The following LARP1 variants were observed in gnomAD, a reference collection of about 807,000 sequenced individuals.
The protein encoded by LARP1 is la-related protein 1.
In LARP1, 36 loss-of-function variants were observed where a neutral mutation model predicts 122.7. The ratio of observed to expected loss-of-function variants is 0.29; its 90% confidence interval spans 0.22 to 0.39. The LOEUF (loss-of-function observed/expected upper bound fraction) is 0.39, where lower values mean the gene tolerates loss of function less well. Ranked by LOEUF, LARP1 falls within the 10% of genes least tolerant of loss-of-function variation. LARP1 has a pLI of 1.00. For synonymous variants in LARP1, 539 were observed against 528.7 expected, an observed-to-expected ratio of 1.02 and a Z score of -0.27; for missense variants, 1,040 against 1,403.6, an observed-to-expected ratio of 0.74 and a Z score of 4.14.
intron 1 of LARP1, among the ~76,000 whole-genome samples, chr5:154,691,156 G>T (rs1754182417): frequency 6.6e-6 from 1 of 151,874 alleles, no homozygotes; most frequent in Non-Finnish European, 1.5e-5. Flanking sequence ...CAGCTACTCG[G>T]GAGGCTGAGG....
upstream of LARP1, among the ~76,000 whole-genome samples, chr5:154,754,643 C>G (rs1753684405): frequency 6.6e-6 from 1 of 152,256 alleles, no homozygotes; most frequent in Admixed American, 6.5e-5. Context: ...ACTTCCTAGG[C>G]GCCGGCTGCC....
chr5:154,803,237 T>G lies in LARP1; in HGVS notation c.2110-53T>G. ...GCCAGTCTTGATTCCTTAAACAGGC[T>G]AGAGCAGCCTGCTTACTTACATCTT... On this transcript the variant is annotated intron_variant, in intron 11 of 18. Coordinates refer to ENST00000518297, the MANE Select transcript of LARP1 (RefSeq NM_033551.3). This position sits in a 1 kb window ranked among gnomAD's most constrained non-coding sequence, Gnocchi z 4.4. The G allele has an allele frequency of 6.2e-7, 1 of 1,613,292 alleles. No individual in the cohort carries two copies. The highest frequency in any genetic ancestry group is 2.2e-5 in the East Asian group (1 of 44,874).
At position 154,803,157 on chromosome 5, in the gene LARP1, C is replaced by T. The variant is rs1441990939; in HGVS notation, c.2110-133C>T. On this transcript the variant is annotated intron_variant, in intron 11 of 18. Coordinates refer to ENST00000518297, the MANE Select transcript of LARP1 (RefSeq NM_033551.3). The surrounding 1 kb of genome is among the most constrained non-coding windows in gnomAD (Gnocchi z 4.4). Reference sequence around the variant, plus strand: ...GAATGGTGACTGGGCAGCTGAGAGCCTGGGGACCAGAATTCCACGTATGTC... The same window carrying T: ...GAATGGTGACTGGGCAGCTGAGAGCTTGGGGACCAGAATTCCACGTATGTC... The T allele has an allele frequency of 1.7e-6, 2 of 1,192,878 alleles. No individual in the cohort carries two copies. The highest frequency in any genetic ancestry group is 2.4e-6 in the Non-Finnish European group (2 of 825,426). The allele number at this position is 1,192,878 out of a possible 1,614,324, so 73.9% of individuals were successfully genotyped here. A position where few individuals can be genotyped will look rare whatever the true frequency, so the allele number is the denominator to read the frequency against.
chr5:154,695,175 C>T (rs558971265), intron 1 of LARP1, among the ~76,000 whole-genome samples: 5 of 150,948 alleles, frequency 3.3e-5, no homozygotes, highest in Non-Finnish European at 7.4e-5. Flanking sequence ...ATTAGCCAGG[C>T]GTGTTGGTGG....
chr5:154,763,224 C>G (rs1283982202), intron 1 of LARP1, among the ~76,000 whole-genome samples: 2 of 151,998 alleles, frequency 1.3e-5, no homozygotes, highest in African/African-American at 4.8e-5. Context: ...CCACGCCTGG[C>G]TAATTTTTTG....
At chr5:154,797,221 GTTTTTTT>G (rs1158010359) in intron 8 of LARP1, among the ~76,000 whole-genome samples, 1 of 29,748 alleles carries the variant, frequency 3.4e-5, no homozygotes, top group Non-Finnish European at 6.8e-5. Context: ...TGTTGTTGTT[GTTTTTTT>G]TTTTTTTTTT....
chr5:154,790,070 C>A (rs996483078), intron 1 of LARP1, among the ~76,000 whole-genome samples: 1 of 152,198 alleles, frequency 6.6e-6, no homozygotes, highest in Non-Finnish European at 1.5e-5. Context: ...TGAGTCTGGA[C>A]TTCTTGGGTT....
At chr5:154,790,293 G>A in intron 1 of LARP1, 32 bp from the exon 2 acceptor site, 1 of 1,599,088 alleles carries the variant, frequency 6.3e-7, no homozygotes, top group Non-Finnish European at 8.6e-7. Context: ...CATGGGCTTT[G>A]CATTACTAAC....
chr5:154,771,658 C>T (rs143995196), intron 1 of LARP1, among the ~76,000 whole-genome samples: 50 of 152,322 alleles, frequency 3.3e-4, no homozygotes, highest in African/African-American at 1.0e-3. Flanking sequence ...CCAGCCTAGA[C>T]GCCTCAACTC....
chr5:154,808,144 T>C (rs976637304), intron 15 of LARP1, among the ~76,000 whole-genome samples: 14 of 152,226 alleles, frequency 9.2e-5, no homozygotes, highest in Admixed American at 2.6e-4. Flanking sequence ...ACAAACAATT[T>C]GTTCATGCCT....
chr5:154,688,981 C>G (rs1754064338), intron 1 of LARP1, among the ~76,000 whole-genome samples: 1 of 152,190 alleles, frequency 6.6e-6, no homozygotes. Context: ...AAGAAAAATA[C>G]TATATATTGA....
intron 14 of LARP1, chr5:154,804,635 T>TAGG (rs1758610605): frequency 5.1e-6 from 2 of 393,664 alleles, no homozygotes; most frequent in Non-Finnish European, 9.7e-6. Context: ...TTTCTGGCAG[T>TAGG]CTCTCTGAGC....
intron 1 of LARP1, among the ~76,000 whole-genome samples, chr5:154,725,811 G>A (rs1304967487): frequency 6.6e-6 from 1 of 152,216 alleles, no homozygotes; most frequent in African/African-American, 2.4e-5. Flanking sequence ...TACCAAGAAG[G>A]AGTGTCCCTA....
intron 1 of LARP1, among the ~76,000 whole-genome samples, chr5:154,702,199 G>A (rs983180221): frequency 2.6e-5 from 4 of 152,140 alleles, no homozygotes; most frequent in Admixed American, 1.3e-4. Context: ...CTGCATTCTG[G>A]CCAGGTTGGC....
chr5:154,687,456 A>G lies in LARP1; in HGVS notation c.-180+4419A>G, dbSNP rs927979072. ...GAGTGCAGTGGCGTGATCTCGGCTCACTGCAAGCTCCGCCTCCTGGGTTCA... is the reference window on the plus strand; with the variant it reads ...GAGTGCAGTGGCGTGATCTCGGCTCGCTGCAAGCTCCGCCTCCTGGGTTCA... On this transcript the variant is annotated intron_variant, in intron 1 of 18. Coordinates refer to the LARP1 transcript ENST00000687700. Among the ~76,000 whole-genome samples, 44 of 152,166 alleles carry G rather than the reference A, an allele frequency of 2.9e-4. 1 individual carries two copies. Among genetic ancestry groups the G allele is most frequent in the Admixed American group, 9.2e-4 (14 of 15,288 alleles).
At position 154,756,252 on chromosome 5, in the gene LARP1, C is replaced by T. The variant is rs1047630462; in HGVS notation, c.436+59C>T. On this transcript the variant is annotated intron_variant, in intron 1 of 18. Transcript: ENST00000518297. ...GGCCTCTTCCGGGGACATGGGAGTC[C>T]CCTCCCCCAGCACCTCCAGGGCCCC... The T allele has an allele frequency of 5.3e-6, 6 of 1,140,816 alleles. No homozygotes were observed. The African/African-American group carries it at 8.6e-5, about 16-fold the overall frequency. 70.7% of individuals were successfully genotyped at this position (1,140,816 alleles called of 1,614,324 possible).
intron 1 of LARP1, among the ~76,000 whole-genome samples, chr5:154,771,217 A>G (rs1463797914): frequency 6.6e-6 from 1 of 152,062 alleles, no homozygotes; most frequent in Admixed American, 6.5e-5. Context: ...GGTGTCCTAA[A>G]ATCTGCCTCA....
intron 1 of LARP1, among the ~76,000 whole-genome samples, chr5:154,742,259 C>T (rs1752924777): frequency 2.0e-5 from 3 of 152,122 alleles, no homozygotes; most frequent in Non-Finnish European, 4.4e-5. Context: ...AACCCTTTCT[C>T]TACAAAAAAT....
intron 1 of LARP1, among the ~76,000 whole-genome samples, chr5:154,723,712 G>A (rs1415480073): frequency 1.3e-5 from 2 of 152,178 alleles, no homozygotes; most frequent in African/African-American, 4.8e-5. Context: ...ACTGAGTCAG[G>A]GAAATTAAGA....
Sources: gnomAD v4.1 joint callset for allele counts (sites outside exome capture counted in the v4.1 genomes callset) on GRCh38, gnomAD v4.1.1 for gene constraint, Gnocchi (gnomAD v3.1) non-coding constraint, MANE v1.5 for transcripts, NCBI Gene and HGNC (gene_info 2026-07-23, HGNC 2026-07-21) for gene names.